Variants in PTPRM observed in about 807,000 individuals in gnomAD.
The protein encoded by PTPRM is protein tyrosine phosphatase receptor type M.
Under a neutral mutation model 186.7 loss-of-function variants are expected in PTPRM, and 47 were observed. The observed-to-expected ratio is 0.25, with a 90% CI of 0.20 to 0.32. PTPRM has a LOEUF of 0.32. Ranked by LOEUF, PTPRM falls within the 10% of genes least tolerant of loss-of-function variation. PTPRM has a pLI of 1.00. For missense variants in PTPRM, 1,494 were observed against 1,865.0 expected (o/e 0.80, Z 3.66); for synonymous variants, 668 against 674.9 (o/e 0.99, Z 0.16).
At chr18:8,151,044 C>T (rs2080108) in intron 14 of PTPRM, among the ~76,000 whole-genome samples, 1 of 152,168 alleles carries the variant, frequency 6.6e-6, no homozygotes, top group Admixed American at 6.5e-5. Context: ...GCTCAGAGCT[C>T]TCCTGTATGA....
chr18:8,132,126 G>A (rs537833788), intron 13 of PTPRM, among the ~76,000 whole-genome samples: 27 of 152,250 alleles, frequency 1.8e-4, no homozygotes, highest in African/African-American at 6.0e-4. Context: ...ACCAACTTTT[G>A]TCTGAGATTT....
intron 2 of PTPRM, among the ~76,000 whole-genome samples, chr18:7,787,479 A>G (rs1045391062): frequency 2.0e-5 from 3 of 152,206 alleles, no homozygotes; most frequent in African/African-American, 7.2e-5. Flanking sequence ...TGAAAGTGAC[A>G]TGTGCTATTT....
At chr18:8,323,498 G>A (rs1196940778) in intron 22 of PTPRM, among the ~76,000 whole-genome samples, 2 of 152,198 alleles carry the variant, frequency 1.3e-5, no homozygotes, top group Non-Finnish European at 2.9e-5. Context: ...TGTCTTCAAT[G>A]TTGTAACCTG....
intron 2 of PTPRM, among the ~76,000 whole-genome samples, chr18:7,797,685 G>A (rs947862296): frequency 2.0e-5 from 3 of 151,850 alleles, no homozygotes; most frequent in Non-Finnish European, 2.9e-5. Context: ...GCAGCACCCA[G>A]GAGAATGTGC....
chr18:7,680,025 C>A (rs995024900), intron 1 of PTPRM, among the ~76,000 whole-genome samples: 2 of 152,072 alleles, frequency 1.3e-5, no homozygotes, highest in African/African-American at 4.8e-5. Flanking sequence ...GCCACCACAC[C>A]TGGCTAATGT....
At chr18:7,904,906 G>A (rs1040465119) in intron 3 of PTPRM, among the ~76,000 whole-genome samples, 1 of 152,192 alleles carries the variant, frequency 6.6e-6, no homozygotes, top group South Asian at 2.1e-4. Context: ...TTAAATGATA[G>A]CCTGACAACT....
At position 8,122,639 on chromosome 18, in the gene PTPRM, C is replaced by T. The variant is rs562042552; in HGVS notation, c.2167+7812C>T. 3.3e-5 allele frequency among the ~76,000 whole-genome samples: 5 copies of T among 152,250 alleles called. No homozygotes were observed. In the East Asian group the frequency reaches 9.6e-4, roughly 29 times the overall value. On this transcript the variant is annotated intron_variant, in intron 13 of 32. Transcript: ENST00000580170. ...CAATAACATCAAACAGGGTTTCCAA[C>T]AAAATACATAAAGATATATTCCTAG...
intron 3 of PTPRM, among the ~76,000 whole-genome samples, chr18:7,894,569 G>C (rs1240580534): frequency 6.6e-6 from 1 of 151,924 alleles, no homozygotes; most frequent in East Asian, 1.9e-4. Context: ...CTAGGGGGCA[G>C]AGCAAGACTC....
intron 4 of PTPRM, among the ~76,000 whole-genome samples, chr18:7,920,715 TTGTTGCACATTAG>T (rs1413273634): frequency 6.6e-6 from 1 of 152,216 alleles, no homozygotes; most frequent in African/African-American, 2.4e-5. Flanking sequence ...ACATGTTTTC[TTGTTGCACATTAG>T]TGTTTTTTTC....
chr18:8,264,294 A>G (rs1231657925), intron 19 of PTPRM, among the ~76,000 whole-genome samples: 1 of 152,228 alleles, frequency 6.6e-6, no homozygotes. Flanking sequence ...ATTTCATAAC[A>G]TGACTATTCC....
chr18:8,392,346 C>T (rs531492273), intron 31 of PTPRM, among the ~76,000 whole-genome samples: 3 of 151,848 alleles, frequency 2.0e-5, no homozygotes, highest in Non-Finnish European at 2.9e-5. Flanking sequence ...GTCCCATGGC[C>T]GGGCGCGGTG....
chr18:8,054,304 TA>T (rs1331425506), intron 7 of PTPRM, among the ~76,000 whole-genome samples: 12 of 143,302 alleles, frequency 8.4e-5, no homozygotes, highest in African/African-American at 2.9e-4. Context: ...TAGTAATATA[TA>T]TATATATATA....
chr18:8,295,708 C>A (rs779554253), intron 19 of PTPRM, among the ~76,000 whole-genome samples: 1 of 152,096 alleles, frequency 6.6e-6, no homozygotes, highest in African/African-American at 2.4e-5. Flanking sequence ...AATAAAGACA[C>A]ACATTTTATT....
chr18:8,085,615 A>G (rs2090392260), intron 9 of PTPRM, 56 bp from the exon 10 acceptor site: 2 of 1,438,844 alleles, frequency 1.4e-6, no homozygotes, highest in African/African-American at 1.4e-5. Context: ...TTGGATAAAG[A>G]TGCAATCTGA....
intron 1 of PTPRM, among the ~76,000 whole-genome samples, chr18:7,672,456 T>C (rs542578491): frequency 6.6e-6 from 1 of 152,288 alleles, no homozygotes; most frequent in African/African-American, 2.4e-5. Flanking sequence ...ATGGTTTTAC[T>C]CAATTTTTAT....
chr18:8,214,679 T>C (rs988486393), intron 14 of PTPRM, among the ~76,000 whole-genome samples: 4 of 152,200 alleles, frequency 2.6e-5, no homozygotes, highest in African/African-American at 9.6e-5. Flanking sequence ...ATTTATTTAT[T>C]TTGAGATGGA....
chr18:7,980,852 G>T (rs1403118962), intron 7 of PTPRM, among the ~76,000 whole-genome samples: 1 of 152,136 alleles, frequency 6.6e-6, no homozygotes, highest in African/African-American at 2.4e-5. Flanking sequence ...GATTTCATGT[G>T]TTGATCTGTC....
Position 7,637,628 on chromosome 18 carries a change from A to G in PTPRM, c.73+69737A>G, listed in dbSNP as rs1008534411. Reference sequence around the variant, plus strand: ...ATATTCTTTTTCTTTCTTCTATTCTATGAACGTTTCTTTGGGGGATATAGT... The same window carrying G: ...ATATTCTTTTTCTTTCTTCTATTCTGTGAACGTTTCTTTGGGGGATATAGT... On this transcript the variant is annotated intron_variant, in intron 1 of 32. Coordinates refer to ENST00000580170, the MANE Select transcript of PTPRM (RefSeq NM_001105244.2). 1.2e-4 allele frequency among the ~76,000 whole-genome samples: 18 copies of G among 152,118 alleles called. No homozygotes were observed. In the East Asian group the frequency reaches 3.1e-3, roughly 26 times the overall value.
At chr18:8,063,209 T>G (rs2088747219) in intron 7 of PTPRM, among the ~76,000 whole-genome samples, 1 of 150,800 alleles carries the variant, frequency 6.6e-6, no homozygotes, top group Non-Finnish European at 1.5e-5. Context: ...CGGGTGGGAG[T>G]GACCCGATTT....
Sources: gnomAD v4.1 joint callset for allele counts (sites outside exome capture counted in the v4.1 genomes callset) on GRCh38, gnomAD v4.1.1 for gene constraint, MANE v1.5 for transcripts, NCBI Gene and HGNC (gene_info 2026-07-23, HGNC 2026-07-21) for gene names.